Variants in MFSD8 observed in about 807,000 individuals in gnomAD.
MFSD8 encodes major facilitator superfamily domain-containing protein 8.
MFSD8 carries 55 observed loss-of-function variants against 66.4 expected under a neutral mutation model. The observed-to-expected ratio is 0.83, with a 90% confidence interval of 0.67 to 1.04. The LOEUF is 1.04. MFSD8 is among the 50% of genes least tolerant of loss of function. The pLI is 0.00. For missense variants in MFSD8, 550 were observed against 627.6 expected (o/e 0.88, Z 1.32); for synonymous variants, 202 against 212.8 (o/e 0.95, Z 0.44).
rs1739840348 is a variant in MFSD8, at chr4:127,939,855, T to C, written c.696A>G (p.Leu232=). 6.2e-7 allele frequency: 1 copy of C among 1,611,402 alleles called. No individual in the cohort carries two copies. The change falls in exon 6 of 12, where the codon CTA becomes CTG. Residue 232 remains leucine, a splice_region_variant and synonymous_variant. Transcript: ENST00000641686. ...TTTTATCATTTCTATCTAATTACCT[T>C]AGTATGGCAAGGATCAGAATAATAT... The part of the protein sequence containing the change: ...ILNIILILAI[L]REHRVDDSGR...
At chr4:127,921,066 G>A in intron 11 of MFSD8, 1 of 579,162 alleles carries the variant, frequency 1.7e-6, no homozygotes, top group South Asian at 2.2e-5. Flanking sequence ...TGAAGCCCTG[G>A]GAATAATAAA....
intron 3 of MFSD8, among the ~76,000 whole-genome samples, chr4:127,944,476 T>C (rs1273835453): frequency 6.6e-6 from 1 of 151,998 alleles, no homozygotes; most frequent in African/African-American, 2.4e-5. Flanking sequence ...TGATAGACAA[T>C]TATCTCAATA....
At chr4:127,943,698 A>C in intron 4 of MFSD8, 54 bp downstream of exon 4, 1 of 1,610,942 alleles carries the variant, frequency 6.2e-7, no homozygotes, top group Non-Finnish European at 8.5e-7. Context: ...GTGAGCCATA[A>C]ATGTCAGAAT....
At chr4:127,923,109 T>A (rs1736582779) in intron 9 of MFSD8, among the ~76,000 whole-genome samples, 1 of 152,208 alleles carries the variant, frequency 6.6e-6, no homozygotes, top group South Asian at 2.1e-4. Context: ...CCTAATTGAA[T>A]ACCCTTTATT....
chr4:127,938,713 CCAAA>C (rs997234962), intron 7 of MFSD8, 66 bp downstream of exon 7: 25 of 1,366,272 alleles, frequency 1.8e-5, no homozygotes, highest in East Asian at 4.7e-5. Context: ...GAAGTAAATA[CCAAA>C]CAAACAGAAT....
intron 9 of MFSD8, 137 bp downstream of exon 9, chr4:127,930,546 A>G (rs1388048103): frequency 5.2e-6 from 5 of 952,500 alleles, no homozygotes; most frequent in South Asian, 1.6e-5. Flanking sequence ...GAAATATGAT[A>G]ATCTCTTAAT....
At position 127,920,637 on chromosome 4, in the gene MFSD8, T is replaced by C. The variant is rs1443934235; in HGVS notation, c.1550A>G (p.Gln517Arg). 1.2e-6 allele frequency: 2 copies of C among 1,613,896 alleles called. No individual in the cohort carries two copies. Among genetic ancestry groups the C allele is most frequent in the African/African-American group, 2.7e-5 (2 of 74,878 alleles). ...IALSVRYGRI[Q>R]E is the part of the protein sequence containing the mutation. The stretch of plus-strand genomic sequence containing the variant: ...ATCACAGTCTTAGCTAGTTTATTCC[T>C]GAATCCTCCCATATCTTACAGAAAG... Residue 517 changes from glutamine (Q) to arginine (R), a missense_variant, in exon 12 of 12, where the codon CAG becomes CGG. Coordinates refer to ENST00000641686, the MANE Select transcript of MFSD8 (RefSeq NM_001371596.2).
At chr4:127,950,048 A>G (rs1490339888) in intron 2 of MFSD8, among the ~76,000 whole-genome samples, 1 of 152,264 alleles carries the variant, frequency 6.6e-6, no homozygotes, top group Non-Finnish European at 1.5e-5. Flanking sequence ...ACAGTCCCTC[A>G]TCATAATAAC....
intron 1 of MFSD8, among the ~76,000 whole-genome samples, chr4:127,964,275 C>A (rs975541242): frequency 6.6e-6 from 1 of 152,250 alleles, no homozygotes; most frequent in African/African-American, 2.4e-5. Flanking sequence ...GACTAGGCAC[C>A]GTGGAGTAGG....
At chr4:127,926,579 G>T (rs1173955507) in intron 9 of MFSD8, among the ~76,000 whole-genome samples, 1 of 152,022 alleles carries the variant, frequency 6.6e-6, no homozygotes, top group African/African-American at 2.4e-5. Flanking sequence ...CTATAAGAAT[G>T]TGTATCAGCA....
chr4:127,930,592 T>C, intron 9 of MFSD8, 91 bp downstream of exon 9: 1 of 1,408,142 alleles, frequency 7.1e-7, no homozygotes. Context: ...AAGCTTTAAA[T>C]TATTTTCCTG....
chr4:127,938,711 T>C (rs953423960), intron 7 of MFSD8, 72 bp downstream of exon 7: 1 of 1,346,070 alleles, frequency 7.4e-7, no homozygotes. Flanking sequence ...TCGAAGTAAA[T>C]ACCAAACAAA....
In MFSD8 at chr4:127,919,307, T is replaced by G. The variant is rs1736100598; in HGVS notation, c.*1323A>C. The G allele has an allele frequency of 6.6e-6, 1 of 152,236 alleles. No homozygotes were observed. 9.4% of individuals were successfully genotyped at this position (152,236 alleles called of 1,614,324 possible). On this transcript the variant is annotated 3_prime_UTR_variant, in exon 12 of 12. Transcript: ENST00000641686. Reference sequence around the variant, plus strand: ...CTCCTGCCTTGGCCTTCCAAAGTGCTGGGATTACAGGCATGAGACACTGCA... The same window carrying G: ...CTCCTGCCTTGGCCTTCCAAAGTGCGGGGATTACAGGCATGAGACACTGCA...
intron 8 of MFSD8, 128 bp from the exon 9 acceptor site, chr4:127,930,945 G>T: frequency 2.3e-6 from 2 of 866,156 alleles, no homozygotes; most frequent in Non-Finnish European, 1.7e-6. Context: ...AATGACAACA[G>T]ACCTAAGCAA....
intron 2 of MFSD8, among the ~76,000 whole-genome samples, chr4:127,955,936 G>T (rs1027656250): frequency 6.6e-6 from 1 of 151,436 alleles, no homozygotes; most frequent in African/African-American, 2.4e-5. Flanking sequence ...GGCTAACGCC[G>T]TGAAACCCCA....
chr4:127,929,860 A>T (rs773772229), intron 9 of MFSD8, among the ~76,000 whole-genome samples: 16 of 152,188 alleles, frequency 1.1e-4, no homozygotes, highest in Non-Finnish European at 1.9e-4. Flanking sequence ...TGGTATCCCA[A>T]TTATCTTGAT....
At chr4:127,951,652 TA>T (rs1218875441) in intron 2 of MFSD8, among the ~76,000 whole-genome samples, 5 of 152,184 alleles carry the variant, frequency 3.3e-5, no homozygotes, top group Non-Finnish European at 7.4e-5. Flanking sequence ...GTTTGTACTC[TA>T]TAGAGTTTTA....
rs188459520 is a variant in MFSD8 at position 127,918,531 on chromosome 4, C to G, written c.*2099G>C. On this transcript the variant is annotated 3_prime_UTR_variant, in exon 12 of 12. Transcript: ENST00000641686. ...ACAGGTTATTATGCTAAGACAAAAG[C>G]TCCAGTCAGTGGGCTTATGTTGCCC... 3.9e-5 allele frequency: 6 copies of G among 152,284 alleles called. No individual in the cohort carries two copies. The highest frequency in any genetic ancestry group is 1.4e-4 in the African/African-American group (6 of 41,570). 9.4% of individuals were successfully genotyped at this position (152,284 alleles called of 1,614,324 possible).
intron 2 of MFSD8, among the ~76,000 whole-genome samples, chr4:127,953,544 T>TG: frequency 1.1e-5 from 1 of 94,046 alleles, no homozygotes; most frequent in Non-Finnish European, 2.0e-5. Flanking sequence ...AGGCATTCTG[T>TG]TTTTTTTTTT....
Sources: allele counts gnomAD v4.1 joint callset (sites outside exome capture counted in the v4.1 genomes callset), GRCh38; gene constraint gnomAD v4.1.1; transcripts MANE v1.5; gene names NCBI Gene and HGNC (gene_info 2026-07-23, HGNC 2026-07-21).